Variants in NEDD4L observed in about 807,000 individuals in gnomAD.
NEDD4L encodes the protein E3 ubiquitin-protein ligase NEDD4-like.
Under a neutral mutation model 148.9 loss-of-function variants are expected in NEDD4L, and 54 were observed. That is an observed-to-expected ratio of 0.36 (90% confidence interval 0.29 to 0.45). The LOEUF (loss-of-function observed/expected upper bound fraction) is 0.45. NEDD4L is among the 20% of genes least tolerant of loss of function. The probability of loss-of-function intolerance (pLI) is 1.00; values close to 1 mark genes in which losing one functional copy is unlikely to be tolerated. For synonymous variants in NEDD4L, 433 were observed against 440.7 expected (o/e 0.98, Z 0.22); for missense variants, 856 against 1,233.8 (o/e 0.69, Z 4.59).
intron 2 of NEDD4L, among the ~76,000 whole-genome samples, chr18:58,234,102 T>TTTCTTTCTTTCTTTCTTTC (rs1158163084): frequency 1.2e-4 from 9 of 76,926 alleles, no homozygotes; most frequent in South Asian, 4.9e-4. Flanking sequence ...TCTTTCTTTC[T>TTTCTTTCTTTCTTTCTTTC]TTTCTTTTCT....
At chr18:58,198,246 T>C (rs1362154882) in intron 2 of NEDD4L, among the ~76,000 whole-genome samples, 1 of 152,144 alleles carries the variant, frequency 6.6e-6, no homozygotes, top group Non-Finnish European at 1.5e-5. Flanking sequence ...GAAACAACTT[T>C]TAAAACCACT....
chr18:58,248,755 C>T (rs898809307), intron 3 of NEDD4L, 144 bp from the exon 4 acceptor site: 5 of 537,946 alleles, frequency 9.3e-6, no homozygotes, highest in East Asian at 3.2e-5. Context: ...TTGGTTTGTA[C>T]GCTAGTCTCA....
intron 10 of NEDD4L, among the ~76,000 whole-genome samples, chr18:58,329,633 T>C (rs2059628708): frequency 6.6e-6 from 1 of 151,848 alleles, no homozygotes; most frequent in African/African-American, 2.4e-5. Context: ...GCTGGGGTTA[T>C]AGGTGCATGC....
At chr18:58,178,714 TA>T (rs1186013235) in intron 2 of NEDD4L, among the ~76,000 whole-genome samples, 1 of 152,266 alleles carries the variant, frequency 6.6e-6, no homozygotes, top group African/African-American at 2.4e-5. Context: ...GAATGTGTGC[TA>T]ACGTTCCTTC....
chr18:58,191,145 CA>C (rs2040067772), intron 2 of NEDD4L, among the ~76,000 whole-genome samples: 1 of 152,086 alleles, frequency 6.6e-6, no homozygotes, highest in Non-Finnish European at 1.5e-5. Context: ...AAAGAAAAAA[CA>C]AAAACTAGTG....
At chr18:58,117,697 T>G (rs911800660) in intron 1 of NEDD4L, among the ~76,000 whole-genome samples, 1 of 152,174 alleles carries the variant, frequency 6.6e-6, no homozygotes, top group Non-Finnish European at 1.5e-5. Context: ...TGAGGTCCTT[T>G]CCTGCCCCCA....
intron 2 of NEDD4L, among the ~76,000 whole-genome samples, chr18:58,234,098 TTTCTTTTC>T: frequency 1.4e-5 from 1 of 71,626 alleles, no homozygotes; most frequent in Non-Finnish European, 2.6e-5. Flanking sequence ...TCTTTCTTTC[TTTCTTTTC>T]TTTTCTTTTC....
intron 5 of NEDD4L, among the ~76,000 whole-genome samples, chr18:58,268,138 A>T (rs976526968): frequency 6.6e-6 from 1 of 152,080 alleles, no homozygotes; most frequent in Non-Finnish European, 1.5e-5. Context: ...AGAAGCTTCT[A>T]TACCATCCTG....
intron 2 of NEDD4L, among the ~76,000 whole-genome samples, chr18:58,230,127 C>T (rs1331100774): frequency 6.6e-6 from 1 of 152,158 alleles, no homozygotes; most frequent in African/African-American, 2.4e-5. Context: ...GCATAGTGAG[C>T]TGAAGATCTA....
intron 14 of NEDD4L, 113 bp from the exon 15 acceptor site, chr18:58,341,565 A>G (rs2042424509): frequency 1.7e-6 from 2 of 1,157,070 alleles, no homozygotes; most frequent in African/African-American, 3.1e-5. Flanking sequence ...CACGCTTTAA[A>G]TAGGCCAGAC....
intron 5 of NEDD4L, among the ~76,000 whole-genome samples, chr18:58,281,257 T>C (rs1448527195): frequency 6.6e-6 from 1 of 151,706 alleles, no homozygotes; most frequent in Non-Finnish European, 1.5e-5. Context: ...GGATTACAAG[T>C]GTAAGCTGCT....
chr18:58,081,212 C>CATTT, intron 1 of NEDD4L, among the ~76,000 whole-genome samples: 1 of 120,832 alleles, frequency 8.3e-6, no homozygotes, highest in African/African-American at 3.9e-5. Context: ...GAACACCACC[C>CATTT]TTTTTTTTTT....
intron 5 of NEDD4L, among the ~76,000 whole-genome samples, chr18:58,291,396 G>A (rs1157567668): frequency 6.6e-6 from 1 of 152,214 alleles, no homozygotes; most frequent in Non-Finnish European, 1.5e-5. Context: ...GCCTGGAGAG[G>A]AGAGAGAAGT....
intron 29 of NEDD4L, 60 bp from the exon 30 acceptor site, chr18:58,391,427 C>A: frequency 7.3e-7 from 1 of 1,378,668 alleles, no homozygotes; most frequent in Non-Finnish European, 1.0e-6. Flanking sequence ...GCAGACCACA[C>A]CATAGCTTCA....
chr18:58,248,890 C>G lies in NEDD4L; in HGVS notation c.205-9C>G. On this transcript the variant is annotated splice_polypyrimidine_tract_variant and intron_variant, in intron 3 of 30. Coordinates refer to ENST00000400345, the MANE Select transcript of NEDD4L (RefSeq NM_001144967.3). ...ACTAAAAGATACTACAAGATAATTT[C>G]TCTTCCAGACACTGAACCCAAAATG... 6.9e-7 allele frequency: 1 copy of G among 1,445,402 alleles called. No homozygotes were observed. The allele number at this position is 1,445,402 out of a possible 1,614,324, so 89.5% of individuals were successfully genotyped here. A position where few individuals can be genotyped will look rare whatever the true frequency, so the allele number is the denominator to read the frequency against.
rs115528425 is a variant in NEDD4L at position 58,290,400 on chromosome 18, T to G, written c.298-25582T>G. Among the ~76,000 whole-genome samples the G allele has an allele frequency of 3.4e-3, 522 of 152,214 alleles. 2 individuals carry two copies. The highest frequency in any genetic ancestry group is 0.012 in the African/African-American group (498 of 41,506). On this transcript the variant is annotated intron_variant, in intron 5 of 30. Transcript: ENST00000400345. ...TTGATTATACTTCACAAATGTAAGG[T>G]AAAATAGATGATACTATCTGTCATT...
chr18:58,288,884 A>G (rs2054296414), intron 5 of NEDD4L, among the ~76,000 whole-genome samples: 1 of 152,194 alleles, frequency 6.6e-6, no homozygotes. Flanking sequence ...TCGTCATCCC[A>G]TGTTCTCAGT....
At chr18:58,094,169 CT>C (rs61501212) in intron 1 of NEDD4L, among the ~76,000 whole-genome samples, 13,127 of 146,244 alleles carry the variant, frequency 0.09, 641 homozygotes, top group Admixed American at 0.16. Context: ...CCTGCACCCC[CT>C]TTTTTTTTTT....
chr18:58,379,306 C>T (rs903371009), intron 24 of NEDD4L, among the ~76,000 whole-genome samples: 9 of 152,204 alleles, frequency 5.9e-5, no homozygotes, highest in African/African-American at 2.2e-4. Context: ...AGGGCGCTGC[C>T]GCAGCACCTA....
Sources: gnomAD v4.1 joint callset for allele counts (sites outside exome capture counted in the v4.1 genomes callset) on GRCh38, gnomAD v4.1.1 for gene constraint, MANE v1.5 for transcripts, NCBI Gene and HGNC (gene_info 2026-07-23, HGNC 2026-07-21) for gene names.